The following SESN1 variants were observed in gnomAD, a reference collection of about 807,000 sequenced individuals.
SESN1 encodes the protein sestrin-1.
A neutral mutation model predicts 59.3 loss-of-function variants in SESN1; 30 were observed. That is an observed-to-expected ratio of 0.51 (90% CI 0.38 to 0.69). SESN1 has a LOEUF of 0.69. Among genes scored for constraint, SESN1 ranks in the 30% least tolerant of loss-of-function variants. The pLI, the probability that SESN1 is intolerant of heterozygous loss-of-function variation, is 0.00. For missense variants in SESN1, 566 were observed against 673.0 expected (o/e 0.84, Z 1.76); for synonymous variants, 197 against 219.9 (o/e 0.90, Z 0.92).
intron 1 of SESN1, among the ~76,000 whole-genome samples, chr6:109,021,287 A>G (rs1210708191): frequency 6.6e-6 from 1 of 152,146 alleles, no homozygotes; most frequent in East Asian, 1.9e-4. Flanking sequence ...CGAGCCCACC[A>G]TGTACTTTAA....
chr6:109,007,836 A>G (rs544366482), intron 1 of SESN1, among the ~76,000 whole-genome samples: 20 of 149,870 alleles, frequency 1.3e-4, no homozygotes, highest in Non-Finnish European at 2.5e-4. Flanking sequence ...TAGAAAAAAA[A>G]CTTACTGACT....
chr6:109,053,880 C>G (rs908576857), intron 1 of SESN1, among the ~76,000 whole-genome samples: 8 of 152,100 alleles, frequency 5.3e-5, no homozygotes, highest in African/African-American at 1.4e-4. Context: ...TTTGAATACC[C>G]TTTAAGATAA....
chr6:109,047,708 AAAG>A lies in SESN1; in HGVS notation c.280-45368_280-45366del, dbSNP rs1780475898. On this transcript the variant is annotated intron_variant, in intron 1 of 9. Coordinates refer to ENST00000436639, the MANE Select transcript of SESN1 (RefSeq NM_014454.3). Reference sequence around the variant, plus strand: ...TCGGATGGTTGCCGTGTCTGTGTAGAAAGAAGTAGACATGGGAGACTTTTCATT... The same window carrying A: ...TCGGATGGTTGCCGTGTCTGTGTAGAAAGTAGACATGGGAGACTTTTCATT... 2.7e-5 allele frequency among the ~76,000 whole-genome samples: 4 copies of A among 146,172 alleles called. No individual in the cohort carries two copies. In the South Asian group the frequency reaches 7.0e-4, roughly 26 times the overall value.
At chr6:109,037,952 C>A (rs1780273692) in intron 1 of SESN1, among the ~76,000 whole-genome samples, 1 of 152,050 alleles carries the variant, frequency 6.6e-6, no homozygotes, top group Admixed American at 6.6e-5. Flanking sequence ...AATGCAAGTA[C>A]CCTGAAAAAT....
intron 1 of SESN1, among the ~76,000 whole-genome samples, chr6:109,008,419 A>G (rs566794689): frequency 5.3e-4 from 81 of 152,086 alleles, no homozygotes; most frequent in Non-Finnish European, 1.1e-3. Context: ...GGAACATCTA[A>G]TATGTCCATA....
intron 1 of SESN1, among the ~76,000 whole-genome samples, chr6:109,033,293 T>C (rs1314627317): frequency 1.3e-5 from 2 of 152,158 alleles, no homozygotes; most frequent in Admixed American, 1.3e-4. Flanking sequence ...TAAATTTAAG[T>C]AAATGTAAGA....
At chr6:109,082,195 C>T (rs976720546) in intron 1 of SESN1, among the ~76,000 whole-genome samples, 3 of 152,054 alleles carry the variant, frequency 2.0e-5, no homozygotes, top group African/African-American at 4.8e-5. Context: ...GCACTATTTC[C>T]CCTAGGACCA....
At chr6:109,069,011 C>T (rs768754345) in intron 1 of SESN1, among the ~76,000 whole-genome samples, 4 of 151,934 alleles carry the variant, frequency 2.6e-5, no homozygotes, top group African/African-American at 9.7e-5. Flanking sequence ...TGTGAGCCAC[C>T]GCGCCCAGCC....
chr6:109,051,333 CA>C (rs1203671369), intron 1 of SESN1, among the ~76,000 whole-genome samples: 2 of 151,828 alleles, frequency 1.3e-5, no homozygotes, highest in African/African-American at 4.8e-5. Context: ...CTGAGTCAGA[CA>C]ATAATGGTGC....
At chr6:108,998,861 GCCTAGCATAAAATTA>G in intron 4 of SESN1, 106 bp from the exon 5 acceptor site, 1 of 1,310,980 alleles carries the variant, frequency 7.6e-7, no homozygotes. Context: ...ATCATACAAA[GCCTAGCATAAAATTA>G]TCATTTGAAA....
chr6:109,053,460 G>A (rs934339187), intron 1 of SESN1, among the ~76,000 whole-genome samples: 4 of 152,196 alleles, frequency 2.6e-5, no homozygotes, highest in Non-Finnish European at 5.9e-5. Context: ...GAGGGGAAGA[G>A]AGAACATTCC....
intron 1 of SESN1, among the ~76,000 whole-genome samples, chr6:109,026,919 A>T (rs530521402): frequency 5.9e-5 from 9 of 151,892 alleles, no homozygotes; most frequent in African/African-American, 2.2e-4. Context: ...CACACCTGTA[A>T]TCCCAGCACT....
intron 1 of SESN1, among the ~76,000 whole-genome samples, chr6:109,078,836 G>T (rs1377489394): frequency 1.3e-5 from 2 of 151,702 alleles, no homozygotes; most frequent in African/African-American, 4.8e-5. Context: ...AGGTGCTGTG[G>T]GATTCAGGAA....
rs756823812 is a variant in SESN1 at position 109,093,943 on chromosome 6, T to G, written c.131A>C (p.Glu44Ala). 34 of 1,614,210 alleles carry G rather than the reference T, an allele frequency of 2.1e-5. No homozygotes were observed. In the South Asian group the frequency reaches 2.7e-4, roughly 13 times the overall value. The change falls in exon 1 of 10, where the codon GAA becomes GCA. Residue 44 changes from glutamate to alanine, a missense_variant. Physicochemically the swap from Glu to Ala is moderately radical, Grantham distance 107 (BLOSUM62 -1). Transcript: ENST00000436639. ...CCCGTCTGATGGACGATGAGGTGTT[T>G]CTTTCACCGAACGAAGATACTCGGT... ...RKTEYLRSVK[E>A]TPHRPSDGLS...
At chr6:109,041,078 T>C (rs1419841289) in intron 1 of SESN1, among the ~76,000 whole-genome samples, 2 of 151,238 alleles carry the variant, frequency 1.3e-5, no homozygotes, top group African/African-American at 4.9e-5. Flanking sequence ...AGGAAGGAGA[T>C]TAGCATGAGC....
At position 108,998,542 on chromosome 6, in the gene SESN1, T is replaced by C; in HGVS notation, c.943A>G (p.Met315Val). The C allele has an allele frequency of 6.2e-7, 1 of 1,613,916 alleles. No homozygotes were observed. The highest frequency in any genetic ancestry group is 1.1e-5 in the South Asian group (1 of 91,074). ...ACATTTTCTGCTGAGTTGACCGGCA[T>C]CTCATCCACACTGTGATTGCCATTT... ...ITNGNHSVDE[M>V]PVNSAENVSV... is the part of the protein sequence containing the mutation. The change falls in exon 5 of 10, where the codon ATG becomes GTG. Residue 315 changes from methionine to valine, a missense_variant. Transcript: ENST00000436639.
intron 1 of SESN1, among the ~76,000 whole-genome samples, chr6:109,060,160 C>A (rs1005027681): frequency 6.6e-6 from 1 of 151,928 alleles, no homozygotes; most frequent in Non-Finnish European, 1.5e-5. Context: ...AAGGAGTAAA[C>A]AATCTAATCT....
intron 1 of SESN1, among the ~76,000 whole-genome samples, chr6:109,055,876 A>G (rs1780625258): frequency 6.6e-6 from 1 of 152,134 alleles, no homozygotes; most frequent in Non-Finnish European, 1.5e-5. Context: ...TGTGGTTGGG[A>G]AGAATTTTTC....
At chr6:109,032,218 G>A (rs909331003) in intron 1 of SESN1, among the ~76,000 whole-genome samples, 1 of 152,104 alleles carries the variant, frequency 6.6e-6, no homozygotes, top group African/African-American at 2.4e-5. Context: ...GTTGCGGTGA[G>A]CTGAGATAAT....
Sources: gnomAD v4.1 joint callset for allele counts (sites outside exome capture counted in the v4.1 genomes callset) on GRCh38, gnomAD v4.1.1 for gene constraint, MANE v1.5 for transcripts, NCBI Gene and HGNC (gene_info 2026-07-23, HGNC 2026-07-21) for gene names.